ITGB4: variants seen among roughly 807,000 people sequenced by gnomAD.
ITGB4 encodes the protein integrin beta-4.
ITGB4 carries 159 observed loss-of-function variants against 207.6 expected under a neutral mutation model. The observed-to-expected ratio is 0.77, with a 90% CI of 0.67 to 0.87. The LOEUF (loss-of-function observed/expected upper bound fraction) is 0.87. Among genes scored for constraint, ITGB4 ranks in the 40% least tolerant of loss-of-function variants. The pLI is 0.00. For synonymous variants in ITGB4, 1,020 were observed against 1,062.7 expected, an observed-to-expected ratio of 0.96 and a Z score of 0.78; for missense variants, 2,278 against 2,546.8, an observed-to-expected ratio of 0.89 and a Z score of 2.27.
At position 75,730,508 on chromosome 17, in the gene ITGB4, C is replaced by A. The variant is rs763544796; in HGVS notation, c.1002+4C>A. 2.5e-6 allele frequency: 4 copies of A among 1,613,552 alleles called. No homozygotes were observed. Among genetic ancestry groups the A allele is most frequent in the Non-Finnish European group, 3.4e-6 (4 of 1,180,006 alleles). On this transcript the variant is annotated splice_donor_region_variant and intron_variant, in intron 8 of 39. Coordinates refer to ENST00000200181, the MANE Select transcript of ITGB4 (RefSeq NM_000213.5). Reference sequence around the variant, plus strand: ...CTACTCCTATAGCTACTACGAGGTGCGGGGCCCAGGTCCCACGGGTGGGAG... The same window carrying A: ...CTACTCCTATAGCTACTACGAGGTGAGGGGCCCAGGTCCCACGGGTGGGAG...
At chr17:75,730,736 TG>T in intron 8 of ITGB4, 138 bp from the exon 9 acceptor site, 1 of 1,003,638 alleles carries the variant, frequency 1.0e-6, no homozygotes, top group Non-Finnish European at 1.5e-6. Context: ...CCCAAGCAGG[TG>T]GGGGCTAAGA....
chr17:75,728,391 C>T lies in ITGB4; in HGVS notation c.484C>T (p.Gln162Ter), dbSNP rs2060771525. Residue 162 changes from glutamine (Q) to a stop codon, truncating the protein, a stop_gained, in exon 6 of 40, where the codon CAG (glutamine) becomes TAG (stop). Transcript: ENST00000200181. LOFTEE classifies it high-confidence loss of function. ...MGQNLARVLS[Q>*]LTSDYTIGFG... ...TTGACATCCAGCTCGGGTCCTGAGC[C>T]AGCTCACCAGCGACTACACTATTGG... 1 of 1,614,070 alleles carries T rather than the reference C, an allele frequency of 6.2e-7. No individual in the cohort carries two copies. The highest frequency in any genetic ancestry group is 8.5e-7 in the Non-Finnish European group (1 of 1,179,990).
In ITGB4 at chr17:75,740,039, C is replaced by G. The variant is rs775773848; in HGVS notation, c.2414C>G (p.Thr805Ser). Reference sequence around the variant, plus strand: ...AACATGCAGCGGCCTGGCTTTGCCACTCATGCCGCCAGCATCAACCCCACA... The same window carrying G: ...AACATGCAGCGGCCTGGCTTTGCCAGTCATGCCGCCAGCATCAACCCCACA... ...TNNMQRPGFA[T>S]HAASINPTEL... Residue 805 changes from threonine to serine, a missense_variant, in exon 20 of 40, where the codon ACT becomes AGT. Thr to Ser is a moderately conservative substitution (Grantham distance 58). Transcript: ENST00000200181. This position sits in a 1 kb window ranked among gnomAD's most constrained non-coding sequence, Gnocchi z 5.9. 5.6e-6 allele frequency: 9 copies of G among 1,612,704 alleles called. No homozygotes were observed. The African/African-American group carries it at 1.1e-4, about 19-fold the overall frequency.
Position 75,732,187 on chromosome 17 carries a change from T to A in ITGB4, c.1402T>A (p.Cys468Ser), listed in dbSNP as rs776737952. Residue 468 changes from cysteine (C) to serine (S), a missense_variant, in exon 12 of 40, where the codon TGC becomes AGC. Coordinates refer to ENST00000200181, the MANE Select transcript of ITGB4 (RefSeq NM_000213.5). This position sits in a 1 kb window ranked among gnomAD's most constrained non-coding sequence, Gnocchi z 5.3. ...ELQKEVRSAR[C>S]SFNGDFVCGQ... ...GCAAAAAGAGGTGCGGTCAGCTCGC[T>A]GCAGCTTCAACGGAGACTTCGTGTG... The A allele has an allele frequency of 6.2e-7, 1 of 1,614,138 alleles. No individual in the cohort carries two copies.
rs1178321627 is a variant in ITGB4 at position 75,727,857 on chromosome 17, T to TACGGCAGGGCCAGAGTGGAGG, written c.469+5_469+25dup. 2 of 1,613,288 alleles carry TACGGCAGGGCCAGAGTGGAGG rather than the reference T, an allele frequency of 1.2e-6. No individual in the cohort carries two copies. The highest frequency in any genetic ancestry group is 1.7e-6 in the Non-Finnish European group (2 of 1,179,796). On this transcript the variant is annotated splice_region_variant and intron_variant, in intron 5 of 39. Coordinates refer to ENST00000200181, the MANE Select transcript of ITGB4 (RefSeq NM_000213.5). The surrounding 1 kb of genome is among the most constrained non-coding windows in gnomAD (Gnocchi z 6.0). The stretch of plus-strand genomic sequence containing the variant: ...TCAAGAAGATGGGGCAGAACCTGGG[T>TACGGCAGGGCCAGAGTGGAGG]ACGGCAGGGCCAGAGTGGAGGACAG...
At chr17:75,748,731 C>A in intron 26 of ITGB4, 110 bp from the exon 27 acceptor site, 1 of 778,516 alleles carries the variant, frequency 1.3e-6, no homozygotes, top group Non-Finnish European at 2.1e-6. Context: ...CTCCACCCAG[C>A]AAGCAGGGAT....
chr17:75,729,298 C>T lies in ITGB4; in HGVS notation c.600C>T (p.Pro200=), dbSNP rs2060800155. The T allele has an allele frequency of 6.2e-7, 1 of 1,614,174 alleles. No homozygotes were observed. The highest frequency in any genetic ancestry group is 8.5e-7 in the Non-Finnish European group (1 of 1,180,022). ...LKEPWPNSDP[P]FSFKNVISLT... is the part of the protein sequence containing the mutation. ...AGCCCTGGCCCAACAGTGACCCCCCCTTCTCCTTCAAGAACGTCATCAGCC... is the reference window on the plus strand; with the variant it reads ...AGCCCTGGCCCAACAGTGACCCCCCTTTCTCCTTCAAGAACGTCATCAGCC... The change falls in exon 7 of 40, where the codon CCC becomes CCT. Residue 200 remains proline, a synonymous_variant. Coordinates refer to ENST00000200181, the MANE Select transcript of ITGB4 (RefSeq NM_000213.5). This position sits in a 1 kb window ranked among gnomAD's most constrained non-coding sequence, Gnocchi z 4.4.
intron 35 of ITGB4, 50 bp from the exon 36 acceptor site, chr17:75,756,379 G>A (rs1054728005): frequency 1.3e-6 from 2 of 1,598,670 alleles, no homozygotes; most frequent in Non-Finnish European, 1.7e-6. Context: ...GATCAGGCCA[G>A]GGGTGGGAGT....
chr17:75,725,668 C>A (rs1470334335), intron 2 of ITGB4, among the ~76,000 whole-genome samples: 1 of 152,180 alleles, frequency 6.6e-6, no homozygotes, highest in Non-Finnish European at 1.5e-5. Flanking sequence ...CCCAGGAGAC[C>A]TCTTACTGTG....
chr17:75,730,500 A>G lies in ITGB4; in HGVS notation c.998A>G (p.Tyr333Cys). The G allele has an allele frequency of 6.2e-7, 1 of 1,613,486 alleles. No homozygotes were observed. Among genetic ancestry groups the G allele is most frequent in the East Asian group, 2.2e-5 (1 of 44,866 alleles). Residue 333 changes from tyrosine (Y) to cysteine (C), a missense_variant, in exon 8 of 40, where the codon TAC becomes TGC. Tyr to Cys is a radical substitution (Grantham distance 194). Transcript: ENST00000200181. ...GTCACCAACTACTCCTATAGCTACT[A>G]CGAGGTGCGGGGCCCAGGTCCCACG... Reference protein sequence around the residue: ...FAVTNYSYSYYEKLHTYFPVS... With the variant: ...FAVTNYSYSYCEKLHTYFPVS...
chr17:75,724,252 G>T (rs892992709), intron 1 of ITGB4, among the ~76,000 whole-genome samples: 5 of 152,266 alleles, frequency 3.3e-5, no homozygotes, highest in African/African-American at 1.2e-4. Flanking sequence ...TCACCAAAGG[G>T]TAAGTGGGCC....
chr17:75,730,910 G>C lies in ITGB4; in HGVS notation c.1038G>C (p.Gly346=). 1.2e-6 allele frequency: 2 copies of C among 1,613,838 alleles called. No homozygotes were observed. Among genetic ancestry groups the C allele is most frequent in the Non-Finnish European group, 1.7e-6 (2 of 1,179,982 alleles). Residue 346 remains glycine, a synonymous_variant, in exon 9 of 40, where the codon GGG becomes GGC. Transcript: ENST00000200181. The part of the protein sequence containing the change: ...LHTYFPVSSL[G]VLQEDSSNIV... ...CCTATTTCCCTGTCTCCTCACTGGGGGTGCTGCAGGAGGACTCGTCCAACA... is the reference window on the plus strand; with the variant it reads ...CCTATTTCCCTGTCTCCTCACTGGGCGTGCTGCAGGAGGACTCGTCCAACA...
At position 75,756,598 on chromosome 17, in the gene ITGB4, C is replaced by T. The variant is rs1568387280; in HGVS notation, c.4878C>T (p.Ser1626=). The T allele has an allele frequency of 1.9e-6, 3 of 1,612,900 alleles. No homozygotes were observed. Among genetic ancestry groups the T allele is most frequent in the East Asian group, 2.2e-5 (1 of 44,874 alleles). Residue 1626 remains serine (S), a synonymous_variant, in exon 36 of 40, where the codon AGC becomes AGT. Transcript: ENST00000200181. The stretch of plus-strand genomic sequence containing the variant: ...TTGAATCCCAGGTGCACCCGCAGAG[C>T]CCACTGTGTCCCCTGCCAGGTGAGT... The part of the protein sequence containing the change: ...ITIESQVHPQ[S]PLCPLPGSAF...
chr17:75,754,569 C>T lies in ITGB4; in HGVS notation c.4319-7C>T, dbSNP rs376011638. Reference sequence around the variant, plus strand: ...CCTGACCAAGGGACCCTGCTCTCCCCCTGCAGAGCACCTGGTGAATGGCCG... The same window carrying T: ...CCTGACCAAGGGACCCTGCTCTCCCTCTGCAGAGCACCTGGTGAATGGCCG... On this transcript the variant is annotated splice_region_variant and splice_polypyrimidine_tract_variant and intron_variant, in intron 33 of 39. Coordinates refer to ENST00000200181, the MANE Select transcript of ITGB4 (RefSeq NM_000213.5). 2.9e-5 allele frequency: 47 copies of T among 1,613,404 alleles called. No homozygotes were observed. The African/African-American group carries it at 5.5e-4, about 19-fold the overall frequency.
intron 26 of ITGB4, among the ~76,000 whole-genome samples, chr17:75,744,510 C>T (rs2061192282): frequency 6.6e-6 from 1 of 152,202 alleles, no homozygotes; most frequent in South Asian, 2.1e-4. Flanking sequence ...GGTAGCCAAA[C>T]CTCTTGGAGA....
At position 75,742,698 on chromosome 17, in the gene ITGB4, G is replaced by A. The variant is rs375792088; in HGVS notation, c.2899G>A (p.Val967Met). Residue 967 changes from valine (V) to methionine (M), a missense_variant, in exon 25 of 40, where the codon GTG becomes ATG. Coordinates refer to ENST00000200181, the MANE Select transcript of ITGB4 (RefSeq NM_000213.5). This position sits in a 1 kb window ranked among gnomAD's most constrained non-coding sequence, Gnocchi z 5.9. ...EKQLLVEAID[V>M]PAGTATLGRR... ...GCAGCTGCTGGTGGAGGCCATCGAC[G>A]TGCCCGCAGGCACTGCCACCCTCGG... The A allele has an allele frequency of 9.9e-6, 16 of 1,613,762 alleles. No homozygotes were observed. The highest frequency in any genetic ancestry group is 6.6e-5 in the South Asian group (6 of 91,080).
Position 75,756,628 on chromosome 17 carries a change from T to G in ITGB4, c.4897+11T>G. ...TGTGTCCCCTGCCAGGTGAGTTGCC[T>G]CCCCCAGCCCCAGAGCTGCCCCCAT... On this transcript the variant is annotated intron_variant, in intron 36 of 39. Coordinates refer to ENST00000200181, the MANE Select transcript of ITGB4 (RefSeq NM_000213.5). The G allele has an allele frequency of 6.2e-7, 1 of 1,612,340 alleles. No individual in the cohort carries two copies. Among genetic ancestry groups the G allele is most frequent in the Non-Finnish European group, 8.5e-7 (1 of 1,179,818 alleles).
At position 75,753,848 on chromosome 17, in the gene ITGB4, C is replaced by T. The variant is rs890011024; in HGVS notation, c.4192C>T (p.Pro1398Ser). 4 of 1,402,996 alleles carry T rather than the reference C, an allele frequency of 2.9e-6. No individual in the cohort carries two copies. Among genetic ancestry groups the T allele is most frequent in the Non-Finnish European group, 3.7e-6 (4 of 1,076,654 alleles). The allele number at this position is 1,402,996 out of a possible 1,614,324, so 86.9% of individuals were successfully genotyped here. The change falls in exon 33 of 40, where the codon CCG becomes TCG. Residue 1398 changes from proline (P) to serine (S), a missense_variant. Coordinates refer to ENST00000200181, the MANE Select transcript of ITGB4 (RefSeq NM_000213.5). ...VTWRLPPELI[P>S]RLSASSGRSS... is the part of the protein sequence containing the mutation. ...GTGGCGGCTGCCCCCGGAGCTCATC[C>T]CGCGCCTGTCGGCCAGCAGCGGGCG...
At position 75,740,400 on chromosome 17, in the gene ITGB4, A is replaced by C; in HGVS notation, c.2489A>C (p.Glu830Ala). The C allele has an allele frequency of 1.2e-6, 2 of 1,613,870 alleles. No individual in the cohort carries two copies. Among genetic ancestry groups the C allele is most frequent in the Non-Finnish European group, 1.7e-6 (2 of 1,180,012 alleles). The change falls in exon 21 of 40, where the codon GAG (glutamate) becomes GCG (alanine). Residue 830 changes from glutamate (E) to alanine (A), a missense_variant. Physicochemically the swap from Glu to Ala is moderately radical, Grantham distance 107. Transcript: ENST00000200181. The surrounding 1 kb of genome is among the most constrained non-coding windows in gnomAD (Gnocchi z 5.9). ...LSLRLARLCT[E>A]NLLKPDTREC... is the part of the protein sequence containing the mutation. ...TTGCGCCTGGCCCGCCTTTGCACCGAGAACCTGCTGAAGCCTGACACTCGG... is the reference window on the plus strand; with the variant it reads ...TTGCGCCTGGCCCGCCTTTGCACCGCGAACCTGCTGAAGCCTGACACTCGG...
Sources: gnomAD v4.1 joint callset for allele counts (sites outside exome capture counted in the v4.1 genomes callset) on GRCh38, gnomAD v4.1.1 for gene constraint, Gnocchi (gnomAD v3.1) non-coding constraint, MANE v1.5 for transcripts, NCBI Gene and HGNC (gene_info 2026-07-23, HGNC 2026-07-21) for gene names.